CAPZB: variants seen among roughly 807,000 people sequenced by gnomAD.
The protein encoded by CAPZB is F-actin-capping protein subunit beta.
A neutral mutation model predicts 38.1 loss-of-function variants in CAPZB; 2 were observed. The ratio of observed to expected loss-of-function variants is 0.05; its 90% CI spans 0.02 to 0.17. CAPZB has a LOEUF of 0.17. CAPZB is among the 10% of genes least tolerant of loss of function. The pLI, the probability that CAPZB is intolerant of heterozygous loss-of-function variation, is 1.00. For missense variants in CAPZB, 161 were observed against 334.2 expected (o/e 0.48, Z 4.04); for synonymous variants, 107 against 127.4 (o/e 0.84, Z 1.08).
intron 1 of CAPZB, among the ~76,000 whole-genome samples, chr1:19,426,600 C>A (rs2094423703): frequency 2.0e-5 from 3 of 152,216 alleles, no homozygotes; most frequent in Non-Finnish European, 4.4e-5. Flanking sequence ...GGAGCCCACT[C>A]AACTGCCCCG....
At chr1:19,403,722 A>T (rs906813574) in intron 2 of CAPZB, among the ~76,000 whole-genome samples, 1 of 152,236 alleles carries the variant, frequency 6.6e-6, no homozygotes. Context: ...CAGTAGCAAT[A>T]AACATTCATT....
intron 1 of CAPZB, 142 bp downstream of exon 1, chr1:19,485,294 G>A (rs1330334148): frequency 5.9e-6 from 3 of 506,402 alleles, no homozygotes; most frequent in African/African-American, 4.0e-5. Context: ...GGCGGGGAGG[G>A]ACCGGGTCCA....
intron 2 of CAPZB, among the ~76,000 whole-genome samples, chr1:19,393,627 G>A (rs1341436934): frequency 6.6e-6 from 1 of 152,244 alleles, no homozygotes; most frequent in Admixed American, 6.5e-5. Flanking sequence ...CCCATCCCCA[G>A]TCAGGCTCAG....
chr1:19,408,900 C>A (rs1337309745), intron 2 of CAPZB, among the ~76,000 whole-genome samples: 3 of 152,172 alleles, frequency 2.0e-5, no homozygotes, highest in African/African-American at 7.2e-5. Flanking sequence ...CAGGAAGTTT[C>A]CTGAAGCAGT....
chr1:19,391,000 C>T (rs1341150330), intron 2 of CAPZB, among the ~76,000 whole-genome samples: 3 of 152,132 alleles, frequency 2.0e-5, no homozygotes, highest in African/African-American at 2.4e-5. Context: ...GGGCCAATGT[C>T]TGAGGAAGGA....
intron 1 of CAPZB, among the ~76,000 whole-genome samples, chr1:19,437,582 G>C (rs907200992): frequency 2.0e-5 from 3 of 152,142 alleles, no homozygotes. Context: ...TTAAAGACTT[G>C]ATGGGAAACT....
At chr1:19,368,496 A>G (rs1283595998) in intron 4 of CAPZB, among the ~76,000 whole-genome samples, 10 of 25,484 alleles carry the variant, frequency 3.9e-4, no homozygotes, top group African/African-American at 1.4e-3. Context: ...TTTTTCTTGG[A>G]AAAAAAAAAA....
In CAPZB at chr1:19,342,694, G is replaced by T. The variant is rs921875680; in HGVS notation, c.731+1664C>A. 11 of 1,055,326 alleles carry T rather than the reference G, an allele frequency of 1.0e-5. No homozygotes were observed. In the East Asian group the frequency reaches 2.5e-4, roughly 24 times the overall value. 65.4% of individuals were successfully genotyped at this position (1,055,326 alleles called of 1,614,324 possible). A position where few individuals can be genotyped will look rare whatever the true frequency, so the allele number is the denominator to read the frequency against. On this transcript the variant is annotated intron_variant, in intron 8 of 8. Coordinates refer to ENST00000264202, the MANE Select transcript of CAPZB (RefSeq NM_004930.5). ...GCAGCAGCCGGACCGGCAGGGTCTCGGCGGGTTGGTGAGTCCTGTTTTAGT... is the reference window on the plus strand; with the variant it reads ...GCAGCAGCCGGACCGGCAGGGTCTCTGCGGGTTGGTGAGTCCTGTTTTAGT...
At chr1:19,401,909 A>C (rs1420963294) in intron 2 of CAPZB, among the ~76,000 whole-genome samples, 1 of 152,196 alleles carries the variant, frequency 6.6e-6, no homozygotes, top group Non-Finnish European at 1.5e-5. Context: ...CCAAACAGCT[A>C]ATACCCTTCA....
At position 19,484,135 on chromosome 1, in the gene CAPZB, T is replaced by C. The variant is rs897601553; in HGVS notation, c.3+1301A>G. The C allele has an allele frequency of 1.1e-5, 17 of 1,569,600 alleles. No homozygotes were observed. The African/African-American group carries it at 2.0e-4, about 19-fold the overall frequency. ...AAGTCTGGATAGCATCTGCCTTCTT[T>C]ACCAAAACAAACACCACGAGCGGAG... On this transcript the variant is annotated intron_variant, in intron 1 of 8. Transcript: ENST00000264202.
At chr1:19,472,167 A>C (rs1014203068) in intron 1 of CAPZB, among the ~76,000 whole-genome samples, 4 of 152,234 alleles carry the variant, frequency 2.6e-5, no homozygotes, top group African/African-American at 9.6e-5. Flanking sequence ...TCAGTGTTTA[A>C]GAAAATGCGA....
intron 4 of CAPZB, among the ~76,000 whole-genome samples, chr1:19,361,237 C>T (rs1329300147): frequency 6.6e-6 from 1 of 152,222 alleles, no homozygotes; most frequent in Non-Finnish European, 1.5e-5. Flanking sequence ...GTCAATCTCT[C>T]ACTTCGAATC....
In CAPZB at chr1:19,446,843, A is replaced by AT. The variant is rs547933901; in HGVS notation, c.4-27094dup. Reference sequence around the variant, plus strand: ...TGTTTTTCTTTAGGTGGAAAGATTGATTTTTTCCCCTCCTTTCATATGTAT... The same window carrying AT: ...TGTTTTTCTTTAGGTGGAAAGATTGATTTTTTTCCCCTCCTTTCATATGTAT... On this transcript the variant is annotated intron_variant, in intron 1 of 8. Transcript: ENST00000264202. 1.2e-4 allele frequency among the ~76,000 whole-genome samples: 19 copies of AT among 152,166 alleles called. No homozygotes were observed. In the East Asian group the frequency reaches 1.7e-3, roughly 14 times the overall value.
intron 6 of CAPZB, among the ~76,000 whole-genome samples, chr1:19,354,394 ATCATT>A (rs1187136515): frequency 6.6e-6 from 1 of 152,208 alleles, no homozygotes; most frequent in Non-Finnish European, 1.5e-5. Context: ...GAAGCTGTGC[ATCATT>A]AACTTAGATT....
At chr1:19,378,348 A>G (rs1014384811) in intron 4 of CAPZB, among the ~76,000 whole-genome samples, 192 bp downstream of exon 4, 1 of 152,212 alleles carries the variant, frequency 6.6e-6, no homozygotes, top group Non-Finnish European at 1.5e-5. Flanking sequence ...AGTGCCCTGC[A>G]TCCTGCTATG....
intron 4 of CAPZB, among the ~76,000 whole-genome samples, chr1:19,377,151 A>G (rs995800621): frequency 2.6e-5 from 4 of 152,246 alleles, no homozygotes; most frequent in Non-Finnish European, 5.9e-5. Flanking sequence ...ATGGGCAGGT[A>G]AAAGAAGATA....
At chr1:19,438,538 C>T (rs1040965698) in intron 1 of CAPZB, among the ~76,000 whole-genome samples, 4 of 152,126 alleles carry the variant, frequency 2.6e-5, no homozygotes, top group Non-Finnish European at 4.4e-5. Context: ...GTCTTAGTGC[C>T]GAGGAGTGGA....
At chr1:19,385,186 A>G (rs1253186950) in intron 3 of CAPZB, among the ~76,000 whole-genome samples, 2 of 152,138 alleles carry the variant, frequency 1.3e-5, no homozygotes, top group African/African-American at 2.4e-5. Context: ...ATAATAGAAC[A>G]GTTGTTTTTG....
intron 1 of CAPZB, among the ~76,000 whole-genome samples, chr1:19,456,307 A>G (rs2100719318): frequency 6.6e-6 from 1 of 152,334 alleles, no homozygotes; most frequent in East Asian, 1.9e-4. Flanking sequence ...AAGTAAACAA[A>G]AGAAATTTTA....
Sources: allele counts gnomAD v4.1 joint callset (sites outside exome capture counted in the v4.1 genomes callset), GRCh38; gene constraint gnomAD v4.1.1; transcripts MANE v1.5; gene names NCBI Gene and HGNC (gene_info 2026-07-23, HGNC 2026-07-21).